MMP19: variants seen among roughly 807,000 people sequenced by gnomAD.
MMP19 encodes the protein matrix metalloproteinase-19.
Under a neutral mutation model 46.6 loss-of-function variants are expected in MMP19, and 47 were observed. The ratio of observed to expected loss-of-function variants is 1.01; its 90% confidence interval spans 0.80 to 1.29. The LOEUF (loss-of-function observed/expected upper bound fraction) is 1.29. Ranked by LOEUF, MMP19 falls within the 50% of genes most tolerant of loss-of-function variation. The pLI, the probability that MMP19 is intolerant of heterozygous loss-of-function variation, is 0.00. For synonymous variants in MMP19, 222 were observed against 248.5 expected (o/e 0.89, Z 1.00); for missense variants, 589 against 643.5 (o/e 0.92, Z 0.92).
intron 6 of MMP19, 81 bp from the exon 7 acceptor site, chr12:55,838,088 C>A (rs1592605096): frequency 9.6e-6 from 13 of 1,347,268 alleles, no homozygotes; most frequent in South Asian, 9.1e-5. Flanking sequence ...GGCTGACTAA[C>A]AATTTGCCCT....
At chr12:55,839,110 C>T (rs768762025) in intron 5 of MMP19, among the ~76,000 whole-genome samples, 2 of 151,954 alleles carry the variant, frequency 1.3e-5, no homozygotes, top group African/African-American at 2.4e-5. Context: ...GGCGTGGTTG[C>T]GTGTGCCTGT....
At chr12:55,840,619 A>G in intron 4 of MMP19, 48 bp downstream of exon 4, 2 of 1,551,432 alleles carry the variant, frequency 1.3e-6, no homozygotes, top group Non-Finnish European at 1.8e-6. Flanking sequence ...AAGGAGACAG[A>G]GGTAATCTCA....
rs751597648 is a variant in MMP19 at position 55,837,264 on chromosome 12, CAT to C, written c.1297_1298del (p.Met433GlufsTer74). ...AGTAGACTCGGCCATCTTGCCAACT[CAT>C]AGCAGCCGAGGGCTGGTTTGGCACT... ...TGVPNQPSAA[M>X]SWQDGRVYFF... On this transcript the variant is annotated frameshift_variant, in exon 9 of 9. Coordinates refer to ENST00000322569, the MANE Select transcript of MMP19 (RefSeq NM_002429.6). LOFTEE classifies it low-confidence loss of function (END_TRUNC). 1 of 1,614,202 alleles carries C rather than the reference CAT, an allele frequency of 6.2e-7. No homozygotes were observed. The highest frequency in any genetic ancestry group is 2.2e-5 in the East Asian group (1 of 44,874).
Position 55,837,147 on chromosome 12 carries a change from A to G in MMP19, c.1416T>C (p.Cys472=), listed in dbSNP as rs1243695516. 6 of 1,614,188 alleles carry G rather than the reference A, an allele frequency of 3.7e-6. No homozygotes were observed. In the East Asian group the frequency reaches 1.1e-4, roughly 30 times the overall value. ...PRNISHNWMH[C]RPRTIDTTPS... ...GGGTAGTGTCTATAGTCCGGGGACG[A>G]CAGTGCATCCAGTTGTGGGAAATAT... The change falls in exon 9 of 9, where the codon TGT becomes TGC. Residue 472 remains cysteine, a synonymous_variant. Coordinates refer to ENST00000322569, the MANE Select transcript of MMP19 (RefSeq NM_002429.6).
intron 4 of MMP19, among the ~76,000 whole-genome samples, chr12:55,840,336 AAGGGAGGG>A (rs141381023): frequency 0.01 from 1,330 of 129,816 alleles, 37 homozygotes; most frequent in African/African-American, 0.035. Flanking sequence ...GGAAGGAAAG[AAGGGAGGG>A]AGGGAGGGAG....
At chr12:55,841,810 G>C (rs955818371) in intron 2 of MMP19, among the ~76,000 whole-genome samples, 1 of 152,120 alleles carries the variant, frequency 6.6e-6, no homozygotes, top group Non-Finnish European at 1.5e-5. Context: ...CCACCTGACA[G>C]CCTGTCCTCC....
At chr12:55,841,377 C>T in intron 2 of MMP19, 141 bp from the exon 3 acceptor site, 1 of 845,014 alleles carries the variant, frequency 1.2e-6, no homozygotes, top group Non-Finnish European at 1.8e-6. Context: ...TTACTCCAGC[C>T]TCCAGTCCTC....
chr12:55,838,412 C>G, intron 6 of MMP19, 194 bp downstream of exon 6: 2 of 1,367,620 alleles, frequency 1.5e-6, no homozygotes, highest in Non-Finnish European at 2.0e-6. Flanking sequence ...TGGTAAGTGC[C>G]TGCCTAAGCC....
At chr12:55,841,701 G>A (rs1456076544) in intron 2 of MMP19, among the ~76,000 whole-genome samples, 2 of 152,128 alleles carry the variant, frequency 1.3e-5, no homozygotes, top group South Asian at 2.1e-4. Context: ...TTACAGGCGT[G>A]AGCCACCATG....
Position 55,841,145 on chromosome 12 carries a change from C to G in MMP19, c.265G>C (p.Asp89His), listed in dbSNP as rs267603575. 3 of 1,613,526 alleles carry G rather than the reference C, an allele frequency of 1.9e-6. No homozygotes were observed. Residue 89 changes from aspartate (D) to histidine (H), a missense_variant, in exon 3 of 9, where the codon GAT becomes CAT. By Grantham distance (81) the Asp-to-His change is moderately conservative. Transcript: ENST00000322569. ...RMRQPRCGLE[D>H]PFNQKTLKYL... ...TTAAGGGTCTTCTGGTTGAAGGGAT[C>G]CTCTAGGCCACAACGAGGCTGCCTC...
Position 55,837,672 on chromosome 12 carries a change from C to T in MMP19, c.1071G>A (p.Val357=). The change falls in exon 8 of 9, where the codon GTG becomes GTA. Residue 357 remains valine, a synonymous_variant. Transcript: ENST00000322569. ...QWIHFFKGDK[V]WRYINFKMSP... ...ACATCTTGAAATTAATGTAGCGCCA[C>T]ACCTTGTCTCCTGAGAGCATGTGAG... 1 of 1,614,214 alleles carries T rather than the reference C, an allele frequency of 6.2e-7. No homozygotes were observed.
At chr12:55,837,533 G>T (rs1257828662) in intron 8 of MMP19, 22 bp downstream of exon 8, 1 of 1,613,808 alleles carries the variant, frequency 6.2e-7, no homozygotes, top group Non-Finnish European at 8.5e-7. Flanking sequence ...GAAGGGATTT[G>T]CCCTTGCTTT....
At chr12:55,841,269 C>CAGGAAA (rs1484604044) in intron 2 of MMP19, 33 bp from the exon 3 acceptor site, 1 of 1,595,804 alleles carries the variant, frequency 6.3e-7, no homozygotes. Context: ...TCTACCAGGA[C>CAGGAAA]AGGAAAATCT....
intron 6 of MMP19, chr12:55,838,280 G>T: frequency 1.6e-6 from 1 of 623,822 alleles, no homozygotes; most frequent in Non-Finnish European, 2.8e-6. Context: ...CCCTCCAAGT[G>T]GCTTCCTAGT....
In MMP19 at chr12:55,842,778, C is replaced by G. The variant is rs753819663; in HGVS notation, c.53G>C (p.Gly18Ala). 2 of 1,607,666 alleles carry G rather than the reference C, an allele frequency of 1.2e-6. No individual in the cohort carries two copies. ...LGFLLPMTVS[G>A]RVLGLAEVAP... ...CACCTCTGCAAGCCCCAGGACCCGG[C>G]CTGAGACTGTCATGGGGAGTAGGAA... The change falls in exon 1 of 9, where the codon GGC becomes GCC. Residue 18 changes from glycine (G) to alanine (A), a missense_variant. Transcript: ENST00000322569.
rs764541674 is a variant in MMP19 at position 55,837,340 on chromosome 12, C to G, written c.1223G>C (p.Arg408Pro). 3.7e-6 allele frequency: 6 copies of G among 1,606,386 alleles called. No homozygotes were observed. The Admixed American group carries it at 1.0e-4, about 27-fold the overall frequency. The part of the protein sequence containing the change: ...SGYWQWDELA[R>P]TDFSSYPKPI... ...TTTGGGGTAGCTGCTGAAGTCAGTT[C>G]GGGCTAGCTCGTCCCACTGCCAGTA... The change falls in exon 9 of 9, where the codon CGA (arginine) becomes CCA (proline). Residue 408 changes from arginine to proline, a missense_variant. Coordinates refer to ENST00000322569, the MANE Select transcript of MMP19 (RefSeq NM_002429.6).
chr12:55,838,474 A>G (rs1229026580), intron 6 of MMP19, 132 bp downstream of exon 6: 2 of 1,599,648 alleles, frequency 1.3e-6, no homozygotes, highest in African/African-American at 1.3e-5. Context: ...GTCTCCTTCC[A>G]TGGTCATTAA....
Position 55,840,889 on chromosome 12 carries a change from A to G in MMP19, c.305-7T>C. ...TGCTTCTTTCTCCAGCGGCCTAGTT[A>G]ATGACCAGAAAACAGATTAGAAATA... On this transcript the variant is annotated splice_polypyrimidine_tract_variant and splice_region_variant and intron_variant, in intron 3 of 8. Transcript: ENST00000322569. 1 of 1,570,738 alleles carries G rather than the reference A, an allele frequency of 6.4e-7. No individual in the cohort carries two copies. Among genetic ancestry groups the G allele is most frequent in the Non-Finnish European group, 8.7e-7 (1 of 1,154,454 alleles).
At chr12:55,838,269 C>T (rs1450037508) in intron 6 of MMP19, 4 of 621,616 alleles carry the variant, frequency 6.4e-6, no homozygotes, top group African/African-American at 1.8e-5. Flanking sequence ...ACCTCACCCT[C>T]CCCTCCAAGT....
Sources: gnomAD v4.1 joint callset for allele counts (sites outside exome capture counted in the v4.1 genomes callset) on GRCh38, gnomAD v4.1.1 for gene constraint, MANE v1.5 for transcripts, NCBI Gene and HGNC (gene_info 2026-07-23, HGNC 2026-07-21) for gene names.